Variants in CDAN1 observed in about 807,000 individuals in gnomAD.
CDAN1 encodes codanin 1, also known as codanin-1.
Under a neutral mutation model 139.8 loss-of-function variants are expected in CDAN1, and 107 were observed. The observed-to-expected ratio is 0.77, with a 90% CI of 0.65 to 0.90. The LOEUF is 0.90. CDAN1 is among the 40% of genes least tolerant of loss of function. The pLI, the probability that CDAN1 is intolerant of heterozygous loss-of-function variation, is 0.00. For missense variants in CDAN1, 1,667 were observed against 1,575.7 expected, an observed-to-expected ratio of 1.06 and a Z score of -0.98; for synonymous variants, 776 against 660.6, an observed-to-expected ratio of 1.17 and a Z score of -2.68.
intron 21 of CDAN1, 79 bp from the exon 22 acceptor site, chr15:42,728,112 C>T (rs541034913): frequency 3.0e-5 from 47 of 1,579,014 alleles, no homozygotes; most frequent in Admixed American, 2.3e-4. Flanking sequence ...GCACTGACCC[C>T]GCCCCCACAC....
Position 42,729,783 on chromosome 15 carries a change from C to A in CDAN1, c.2352+13G>T. 1.2e-6 allele frequency: 2 copies of A among 1,611,028 alleles called. No individual in the cohort carries two copies. The highest frequency in any genetic ancestry group is 1.7e-6 in the Non-Finnish European group (2 of 1,177,706). ...TGAGTTTCCCATGGCTCTGGCGGAA[C>A]CCCAGCACTCACCAAGCCATGCTCT... is the stretch of plus-strand genomic sequence containing the variant. On this transcript the variant is annotated intron_variant, in intron 16 of 27. Coordinates refer to ENST00000356231, the MANE Select transcript of CDAN1 (RefSeq NM_138477.4).
chr15:42,730,482 T>C (rs1455571936), intron 14 of CDAN1, 116 bp downstream of exon 14: 2 of 1,253,486 alleles, frequency 1.6e-6, no homozygotes, highest in South Asian at 1.3e-5. Context: ...GGCTCAGTTA[T>C]GGCCAGGGCC....
At position 42,735,690 on chromosome 15, in the gene CDAN1, A is replaced by T; in HGVS notation, c.774-11T>A. 4 of 1,613,780 alleles carry T rather than the reference A, an allele frequency of 2.5e-6. No homozygotes were observed. Among genetic ancestry groups the T allele is most frequent in the Non-Finnish European group, 3.4e-6 (4 of 1,179,938 alleles). On this transcript the variant is annotated splice_polypyrimidine_tract_variant and intron_variant, in intron 3 of 27. Coordinates refer to ENST00000356231, the MANE Select transcript of CDAN1 (RefSeq NM_138477.4). ...TGCAGCTGCTTAGAGCTATGGAATA[A>T]AGAAATTTCATGAGCAGTCAGCTTG...
At chr15:42,735,441 G>A in intron 4 of CDAN1, 67 bp from the exon 5 acceptor site, 7 of 1,600,018 alleles carry the variant, frequency 4.4e-6, no homozygotes, top group Non-Finnish European at 5.1e-6. Flanking sequence ...AGTTCCAAGT[G>A]CCTTACCAAT....
chr15:42,730,675 A>G lies in CDAN1; in HGVS notation c.2097T>C (p.Phe699=). 1 of 1,614,102 alleles carries G rather than the reference A, an allele frequency of 6.2e-7. No homozygotes were observed. Residue 699 remains phenylalanine (F), a synonymous_variant, in exon 14 of 28, where the codon TTT becomes TTC. Transcript: ENST00000356231. The part of the protein sequence containing the change: ...AVLTVPWLVE[F]LSFADHVVPL... ...GAACAACATGGTCAGCAAAGGAGAG[A>G]AACTCCACCAGCCAGGGCACGGTGA...
intron 22 of CDAN1, 29 bp from the exon 23 acceptor site, chr15:42,727,798 A>C: frequency 1.2e-6 from 2 of 1,609,056 alleles, no homozygotes; most frequent in Non-Finnish European, 8.5e-7. Context: ...ATGGGAAAGG[A>C]ATCACGGGAG....
intron 5 of CDAN1, 31 bp from the exon 6 acceptor site, chr15:42,735,209 G>T (rs751854960): frequency 6.2e-7 from 1 of 1,604,430 alleles, no homozygotes; most frequent in South Asian, 1.1e-5. Flanking sequence ...TGTCAGTTAA[G>T]AACGGTCCCG....
rs771358101 is a variant in CDAN1 at position 42,729,007 on chromosome 15, C to G, written c.2645+16G>C. 2 of 1,612,390 alleles carry G rather than the reference C, an allele frequency of 1.2e-6. No individual in the cohort carries two copies. The highest frequency in any genetic ancestry group is 1.1e-5 in the South Asian group (1 of 91,032). Reference sequence around the variant, plus strand: ...ATGGTAGGGCGATGAGACCAGGATCCTTAACCCACTCTTACTTGATATGTT... The same window carrying G: ...ATGGTAGGGCGATGAGACCAGGATCGTTAACCCACTCTTACTTGATATGTT... On this transcript the variant is annotated intron_variant, in intron 19 of 27. Coordinates refer to ENST00000356231, the MANE Select transcript of CDAN1 (RefSeq NM_138477.4).
chr15:42,731,193 C>T lies in CDAN1; in HGVS notation c.1860+18G>A, dbSNP rs751250597. The stretch of plus-strand genomic sequence containing the variant: ...TCCTGGGTCAGACCCCATTATTTCC[C>T]TTGTTCTGTTTTCGGACCTGCCAGT... On this transcript the variant is annotated intron_variant, in intron 12 of 27. Coordinates refer to ENST00000356231, the MANE Select transcript of CDAN1 (RefSeq NM_138477.4). The T allele has an allele frequency of 1.3e-5, 21 of 1,614,080 alleles. No homozygotes were observed. In the South Asian group the frequency reaches 2.3e-4, roughly 18 times the overall value.
chr15:42,729,693 G>A, intron 16 of CDAN1, 71 bp from the exon 17 acceptor site: 1 of 1,598,430 alleles, frequency 6.3e-7, no homozygotes, highest in Non-Finnish European at 8.6e-7. Context: ...CAGTTGGCAG[G>A]GCCTTTACAA....
chr15:42,734,066 G>C lies in CDAN1; in HGVS notation c.1258-19C>G, dbSNP rs755328547. 6.3e-7 allele frequency: 1 copy of C among 1,592,914 alleles called. No homozygotes were observed. ...GAGAGACCTAAAATACAGCAGGAAC[G>C]TTAGGAACTGCAGGGTCATGCTGAG... On this transcript the variant is annotated intron_variant, in intron 7 of 27. Coordinates refer to ENST00000356231, the MANE Select transcript of CDAN1 (RefSeq NM_138477.4).
At chr15:42,725,440 G>A (rs377110293) in intron 26 of CDAN1, 49 bp downstream of exon 26, 80 of 1,606,856 alleles carry the variant, frequency 5.0e-5, no homozygotes, top group Non-Finnish European at 6.7e-5. Flanking sequence ...CAAGGGTGGT[G>A]GATGTTCAGA....
intron 23 of CDAN1, chr15:42,726,957 T>C (rs559940416): frequency 1.2e-5 from 2 of 161,334 alleles, no homozygotes; most frequent in African/African-American, 4.8e-5. Flanking sequence ...TCCTAGATCA[T>C]TACCCTAGAC....
Position 42,724,547 on chromosome 15 carries a change from G to C in CDAN1, c.3628C>G (p.Leu1210Val). 7.0e-6 allele frequency: 11 copies of C among 1,561,818 alleles called. No individual in the cohort carries two copies. Among genetic ancestry groups the C allele is most frequent in the Non-Finnish European group, 9.5e-6 (11 of 1,152,032 alleles). The change falls in exon 28 of 28, where the codon CTA becomes GTA. Residue 1210 changes from leucine (L) to valine (V), a missense_variant. This residue lies in a region of CDAN1 where 936 missense variants were observed against 844.1 expected (regional missense o/e 1.11). Coordinates refer to ENST00000356231, the MANE Select transcript of CDAN1 (RefSeq NM_138477.4). ...LAEPHLPEPQ[L>V]RACELVQPNR... ...GGCTGCACCAACTCACAGGCTCTTA[G>C]CTGGGGTTCTGGCAGGTGGGGCTCG...
In CDAN1 at chr15:42,736,395, G is replaced by T; in HGVS notation, c.476C>A (p.Pro159His). The change falls in exon 2 of 28, where the codon CCC becomes CAC. Residue 159 changes from proline to histidine, a missense_variant. Pro to His is a moderately conservative substitution (Grantham distance 77). Around this residue, in one of 3 missense-constraint regions of CDAN1, gnomAD observed 487 missense variants for 422.2 expected, o/e 1.15. Coordinates refer to ENST00000356231, the MANE Select transcript of CDAN1 (RefSeq NM_138477.4). Reference protein sequence around the residue: ...GGRRLRGSGSPSRPSLTLSDP... With the variant: ...GGRRLRGSGSHSRPSLTLSDP... ...AGACAGCGTGAGGCTGGGGCGGCTG[G>T]GGCTGCCAGAGCCCCTAAGCCTCCG... The T allele has an allele frequency of 6.2e-7, 1 of 1,612,338 alleles. No individual in the cohort carries two copies. The highest frequency in any genetic ancestry group is 8.5e-7 in the Non-Finnish European group (1 of 1,179,512).
rs749885995 is a variant in CDAN1, at chr15:42,727,710, C to CAGGACCCTGGGCTCG, written c.2992_3006dup (p.Arg998_Pro1002dup). ...CTCCGCTCCCCCCGGGCAGCAGGTTCAGGACCCTGGGCTCGAAGTGTGCGA... is the reference window on the plus strand; with the variant it reads ...CTCCGCTCCCCCCGGGCAGCAGGTTCAGGACCCTGGGCTCGAGGACCCTGGGCTCGAAGTGTGCGA... On this transcript the variant is annotated inframe_insertion, in exon 23 of 28. Coordinates refer to ENST00000356231, the MANE Select transcript of CDAN1 (RefSeq NM_138477.4). The CAGGACCCTGGGCTCG allele has an allele frequency of 2.5e-6, 4 of 1,586,290 alleles. No individual in the cohort carries two copies. Among genetic ancestry groups the CAGGACCCTGGGCTCG allele is most frequent in the Non-Finnish European group, 3.4e-6 (4 of 1,162,092 alleles).
Position 42,733,983 on chromosome 15 carries a change from G to A in CDAN1, c.1322C>T (p.Ala441Val), listed in dbSNP as rs886051158. Residue 441 changes from alanine to valine, a missense_variant, in exon 8 of 28, where the codon GCC becomes GTC. This residue lies in a region of CDAN1 where 244 missense variants were observed against 309.4 expected (regional missense o/e 0.79). Transcript: ENST00000356231. ...AAAGGCTCGGTCACTGGAGAAGTTG[G>A]CACGATTGTCAGTCTCTGGCTGAAA... ...VSFQPETDNR[A>V]NFSSDRAFHT... 1.9e-6 allele frequency: 3 copies of A among 1,614,116 alleles called. No homozygotes were observed. The Middle Eastern group carries it at 4.9e-4, about 266-fold the overall frequency.
In CDAN1 at chr15:42,727,643, G is replaced by C; in HGVS notation, c.3074C>G (p.Ser1025Cys). The C allele has an allele frequency of 1.3e-6, 2 of 1,581,602 alleles. No homozygotes were observed. Among genetic ancestry groups the C allele is most frequent in the Non-Finnish European group, 1.7e-6 (2 of 1,160,966 alleles). The change falls in exon 23 of 28, where the codon TCC becomes TGC. Residue 1025 changes from serine (S) to cysteine (C), a missense_variant. Ser to Cys is a moderately radical substitution (Grantham distance 112, BLOSUM62 -1). Transcript: ENST00000356231. ...TACTTTTATCTCGGAGATGAGGTGG[G>C]AGGGGAGGGGAGCATGGTGCTCACA... ...RACEHHAPLP[S>C]HLISEIKDVL...
intron 27 of CDAN1, 185 bp downstream of exon 27, chr15:42,724,959 C>T (rs984462909): frequency 1.4e-5 from 9 of 666,080 alleles, no homozygotes; most frequent in Non-Finnish European, 1.9e-5. Context: ...GCCTGCCTTT[C>T]GTCCGTCTTC....
Sources: allele counts gnomAD v4.1 joint callset, GRCh38; gene constraint gnomAD v4.1.1; regional missense constraint gnomAD v4.1.1; transcripts MANE v1.5; gene names NCBI Gene and HGNC (gene_info 2026-07-23, HGNC 2026-07-21).